The following EPHB1 variants were observed in gnomAD, a reference collection of about 807,000 sequenced individuals.
EPHB1 encodes the protein EPH receptor B1.
EPHB1 carries 30 observed loss-of-function variants against 94.4 expected under a neutral mutation model. The observed-to-expected ratio is 0.32, with a 90% CI of 0.24 to 0.43. The LOEUF (loss-of-function observed/expected upper bound fraction) is 0.43. Ranked by LOEUF, EPHB1 falls within the 20% of genes least tolerant of loss-of-function variation. The pLI, the probability that EPHB1 is intolerant of heterozygous loss-of-function variation, is 1.00. For missense variants in EPHB1, 1,055 were observed against 1,308.3 expected (o/e 0.81, Z 2.99); for synonymous variants, 522 against 489.1 (o/e 1.07, Z -0.89).
intron 1 of EPHB1, among the ~76,000 whole-genome samples, chr3:134,797,397 A>G (rs1412478702): frequency 6.6e-6 from 1 of 152,228 alleles, no homozygotes; most frequent in African/African-American, 2.4e-5. Context: ...GCGCATTTGC[A>G]AGGGCAATTC....
At chr3:135,189,904 T>C (rs1359538576) in intron 10 of EPHB1, among the ~76,000 whole-genome samples, 1 of 152,240 alleles carries the variant, frequency 6.6e-6, no homozygotes, top group Non-Finnish European at 1.5e-5. Context: ...TGTTAAACAG[T>C]ATCACTTCTT....
intron 15 of EPHB1, among the ~76,000 whole-genome samples, chr3:135,258,020 T>C (rs1242571705): frequency 6.6e-6 from 1 of 152,182 alleles, no homozygotes; most frequent in Non-Finnish European, 1.5e-5. Flanking sequence ...GAAAGGGAAC[T>C]CCCTGACCCC....
chr3:135,063,347 C>CAA, intron 3 of EPHB1, among the ~76,000 whole-genome samples: 1 of 152,122 alleles, frequency 6.6e-6, no homozygotes, highest in Non-Finnish European at 1.5e-5. Flanking sequence ...TTGTTTGTGT[C>CAA]ATCTGTGATT....
rs546256510 is a variant in EPHB1 at position 135,099,121 on chromosome 3, A to G, written c.806-7327A>G. ...CATATTTGTTGTTGTTATTATTATT[A>G]TCATCACAGCTTTTATCTTTTGTGT... On this transcript the variant is annotated intron_variant, in intron 3 of 15. Transcript: ENST00000398015. 6.0e-5 allele frequency among the ~76,000 whole-genome samples: 9 copies of G among 150,912 alleles called. No individual in the cohort carries two copies. In the Admixed American group the frequency reaches 6.0e-4, roughly 10 times the overall value.
rs1248949914 is a variant in EPHB1 at position 135,149,444 on chromosome 3, A to G, written c.1298-4708A>G. 2.2e-4 allele frequency among the ~76,000 whole-genome samples: 34 copies of G among 152,212 alleles called. 1 individual carries two copies. The highest frequency in any genetic ancestry group is 2.2e-3 in the Admixed American group (34 of 15,282). On this transcript the variant is annotated intron_variant, in intron 5 of 15. Coordinates refer to ENST00000398015, the MANE Select transcript of EPHB1 (RefSeq NM_004441.5). ...GATACTTCTTTGAATTAATCTTCTC[A>G]TCCCTCTTTAATCTTTAGCTTTAGT... is the stretch of plus-strand genomic sequence containing the variant.
chr3:134,835,859 G>A (rs1230449725), intron 1 of EPHB1, among the ~76,000 whole-genome samples: 2 of 152,216 alleles, frequency 1.3e-5, no homozygotes, highest in Non-Finnish European at 2.9e-5. Flanking sequence ...CAGTACCCCA[G>A]GGCTCCTGTT....
intron 1 of EPHB1, among the ~76,000 whole-genome samples, chr3:134,892,866 C>T (rs544803805): frequency 8.8e-5 from 13 of 147,220 alleles, no homozygotes; most frequent in Admixed American, 4.0e-4. Flanking sequence ...CTTTGATTTA[C>T]GGGGCCTCTT....
chr3:135,250,757 AACAT>A (rs1247129971), intron 15 of EPHB1, among the ~76,000 whole-genome samples: 1 of 152,136 alleles, frequency 6.6e-6, no homozygotes, highest in African/African-American at 2.4e-5. Flanking sequence ...CGTGGGCTAC[AACAT>A]GTACCGATAG....
Position 135,068,723 on chromosome 3 carries a change from A to T in EPHB1, c.806-37725A>T, listed in dbSNP as rs976176834. ...GAGTGCAGTGGCGCAATCTCTGCTC[A>T]CTGCAAGCTCCACTTCCCAGGTTCG... On this transcript the variant is annotated intron_variant, in intron 3 of 15. Coordinates refer to ENST00000398015, the MANE Select transcript of EPHB1 (RefSeq NM_004441.5). 1.5e-4 allele frequency among the ~76,000 whole-genome samples: 22 copies of T among 150,780 alleles called. No individual in the cohort carries two copies. The East Asian group carries it at 4.4e-3, about 30-fold the overall frequency.
rs569027780 is a variant in EPHB1, at chr3:135,161,954, G to C, written c.1423-64G>C. On this transcript the variant is annotated intron_variant, in intron 6 of 15. Coordinates refer to ENST00000398015, the MANE Select transcript of EPHB1 (RefSeq NM_004441.5). ...TGATGGGGCCTGAATACTCCAGGGT[G>C]GAGTGGGCTGGGGGTGTAGCCTTCA... The C allele has an allele frequency of 5.9e-6, 9 of 1,528,614 alleles. No homozygotes were observed. The East Asian group carries it at 1.8e-4, about 31-fold the overall frequency. 94.7% of individuals were successfully genotyped at this position (1,528,614 alleles called of 1,614,324 possible).
intron 3 of EPHB1, among the ~76,000 whole-genome samples, chr3:135,041,198 T>C (rs1307648851): frequency 6.6e-6 from 1 of 152,168 alleles, no homozygotes; most frequent in Non-Finnish European, 1.5e-5. Context: ...AGCCTGCTAT[T>C]CTATTTTCTC....
intron 3 of EPHB1, among the ~76,000 whole-genome samples, chr3:135,053,013 A>C (rs1456743994): frequency 1.4e-5 from 1 of 71,704 alleles, no homozygotes. Context: ...GTGTATATAT[A>C]TGTGTGTGTG....
At chr3:134,827,210 C>T (rs373516794) in intron 1 of EPHB1, among the ~76,000 whole-genome samples, 10 of 152,342 alleles carry the variant, frequency 6.6e-5, no homozygotes, top group African/African-American at 2.4e-4. Context: ...TACAAATTCA[C>T]ACAATTACTA....
intron 1 of EPHB1, among the ~76,000 whole-genome samples, chr3:134,923,382 G>A (rs2038726808): frequency 6.6e-6 from 1 of 152,144 alleles, no homozygotes; most frequent in Admixed American, 6.5e-5. Flanking sequence ...TGTCCACACA[G>A]GCACCTGCTG....
At chr3:135,156,905 A>G (rs1358936165) in intron 6 of EPHB1, among the ~76,000 whole-genome samples, 1 of 152,216 alleles carries the variant, frequency 6.6e-6, no homozygotes, top group Non-Finnish European at 1.5e-5. Context: ...TGGCCTAACA[A>G]GGGTCCACCC....
intron 1 of EPHB1, among the ~76,000 whole-genome samples, chr3:134,859,817 T>C (rs1229968894): frequency 6.6e-6 from 1 of 152,218 alleles, no homozygotes; most frequent in Non-Finnish European, 1.5e-5. Context: ...TGTATAAATT[T>C]CTAGGTGCAT....
intron 1 of EPHB1, among the ~76,000 whole-genome samples, chr3:134,913,495 ACT>A (rs2038499382): frequency 6.6e-6 from 1 of 152,030 alleles, no homozygotes; most frequent in Non-Finnish European, 1.5e-5. Flanking sequence ...CTTTGGGAAA[ACT>A]CAGAGGGATA....
chr3:135,091,163 G>T (rs1273870536), intron 3 of EPHB1, among the ~76,000 whole-genome samples: 1 of 152,218 alleles, frequency 6.6e-6, no homozygotes, highest in East Asian at 1.9e-4. Flanking sequence ...TTGGAGAGGA[G>T]GCTGTGCAGT....
chr3:135,161,597 G>A (rs575405433), intron 6 of EPHB1, among the ~76,000 whole-genome samples: 1 of 152,198 alleles, frequency 6.6e-6, no homozygotes, highest in Non-Finnish European at 1.5e-5. Flanking sequence ...CTCAGCAGAA[G>A]CAAGACAAAG....
Sources: allele counts gnomAD v4.1 joint callset (sites outside exome capture counted in the v4.1 genomes callset), GRCh38; gene constraint gnomAD v4.1.1; transcripts MANE v1.5; gene names NCBI Gene and HGNC (gene_info 2026-07-23, HGNC 2026-07-21).